Variants in GTPBP10 observed in about 807,000 individuals in gnomAD.
GTPBP10 encodes GTP binding protein 10.
GTPBP10 carries 38 observed loss-of-function variants against 44.8 expected under a neutral mutation model. The observed-to-expected ratio is 0.85, with a 90% CI of 0.65 to 1.11. The LOEUF (loss-of-function observed/expected upper bound fraction) is 1.11. GTPBP10 is among the 50% of genes most tolerant of loss of function. GTPBP10 has a pLI of 0.00. For synonymous variants in GTPBP10, 152 were observed against 150.6 expected (o/e 1.01, Z -0.07); for missense variants, 462 against 453.7 (o/e 1.02, Z -0.17).
chr7:90,351,178 T>C (rs1054904787), intron 1 of GTPBP10, among the ~76,000 whole-genome samples: 4 of 152,250 alleles, frequency 2.6e-5, no homozygotes, highest in African/African-American at 9.6e-5. Context: ...TATGCAGTTA[T>C]GATTTAATAC....
chr7:90,364,935 G>A (rs759053561), intron 4 of GTPBP10, among the ~76,000 whole-genome samples: 10 of 152,282 alleles, frequency 6.6e-5, no homozygotes, highest in African/African-American at 1.9e-4. Context: ...AGCCAGGTGC[G>A]GAATATAATC....
At chr7:90,370,657 T>TAAC (rs1796240605) in intron 4 of GTPBP10, among the ~76,000 whole-genome samples, 2 of 152,114 alleles carry the variant, frequency 1.3e-5, no homozygotes, top group African/African-American at 4.8e-5. Context: ...TGTATCCATG[T>TAAC]AACAACAACA....
intron 4 of GTPBP10, 39 bp from the exon 5 acceptor site, chr7:90,372,116 A>G (rs774042572): frequency 1.6e-6 from 2 of 1,223,152 alleles, no homozygotes; most frequent in South Asian, 1.3e-5. Flanking sequence ...AGAGATAATA[A>G]TATTGACATT....
intron 4 of GTPBP10, among the ~76,000 whole-genome samples, chr7:90,360,215 A>AT (rs1425201845): frequency 6.6e-6 from 1 of 152,156 alleles, no homozygotes; most frequent in Admixed American, 6.5e-5. Flanking sequence ...GTCCTTGCCC[A>AT]TGCCTATGTC....
In GTPBP10 at chr7:90,386,885, C is replaced by G. The variant is rs181163140; in HGVS notation, c.*1731C>G. On this transcript the variant is annotated 3_prime_UTR_variant, in exon 10 of 10. Transcript: ENST00000222511. ...GCATATAAGTAACTAATAAAAGCTC[C>G]CTTTCTGCATTAGGCCCCTCAGTTC... 6.6e-6 allele frequency: 1 copy of G among 152,124 alleles called. No homozygotes were observed. Among genetic ancestry groups the G allele is most frequent in the South Asian group, 2.1e-4 (1 of 4,810 alleles). The allele number at this position is 152,124 out of a possible 1,614,324, so 9.4% of individuals were successfully genotyped here. A position where few individuals can be genotyped will look rare whatever the true frequency, so the allele number is the denominator to read the frequency against.
At chr7:90,373,596 A>T (rs905562121) in intron 5 of GTPBP10, among the ~76,000 whole-genome samples, 10 of 152,224 alleles carry the variant, frequency 6.6e-5, no homozygotes, top group African/African-American at 2.2e-4. Context: ...GCAAAAAGTC[A>T]TAGGAAAGAG....
intron 4 of GTPBP10, among the ~76,000 whole-genome samples, chr7:90,360,949 G>A (rs986752790): frequency 3.3e-5 from 5 of 152,104 alleles, no homozygotes; most frequent in Non-Finnish European, 7.4e-5. Flanking sequence ...TCTGTTATTG[G>A]TGTATAAGAA....
intron 6 of GTPBP10, among the ~76,000 whole-genome samples, chr7:90,376,085 A>G (rs17863078): frequency 1.3e-5 from 2 of 150,960 alleles, no homozygotes; most frequent in African/African-American, 4.9e-5. Flanking sequence ...AAAAAAAAAA[A>G]TTAGATGGGT....
chr7:90,388,055 A>G lies in GTPBP10; in HGVS notation c.*2901A>G, dbSNP rs1055494371. 1 of 152,198 alleles carries G rather than the reference A, an allele frequency of 6.6e-6. No individual in the cohort carries two copies. 9.4% of individuals were successfully genotyped at this position (152,198 alleles called of 1,614,324 possible). ...TCAGTAGTGCCCAGGGTGCCACTCC[A>G]TGACTAACCGAAACATTTTATTATG... is the stretch of plus-strand genomic sequence containing the variant. On this transcript the variant is annotated 3_prime_UTR_variant, in exon 10 of 10. Coordinates refer to ENST00000222511, the MANE Select transcript of GTPBP10 (RefSeq NM_033107.4).
intron 4 of GTPBP10, among the ~76,000 whole-genome samples, chr7:90,368,212 T>C (rs910034304): frequency 5.9e-5 from 9 of 152,180 alleles, no homozygotes; most frequent in Admixed American, 2.6e-4. Flanking sequence ...CTGCCCTTAA[T>C]ATTTTTTTCT....
In GTPBP10 at chr7:90,367,355, C is replaced by T. The variant is rs150151131; in HGVS notation, c.465-4800C>T. Among the ~76,000 whole-genome samples, 399 of 152,172 alleles carry T rather than the reference C, an allele frequency of 2.6e-3. 2 individuals carry two copies. The highest frequency in any genetic ancestry group is 8.6e-3 in the African/African-American group (359 of 41,510). On this transcript the variant is annotated intron_variant, in intron 4 of 9. Coordinates refer to ENST00000222511, the MANE Select transcript of GTPBP10 (RefSeq NM_033107.4). Reference sequence around the variant, plus strand: ...TGATATCCTTGTTAACCTTCTGTCTCGTTGATCTAATATTGACAGTGGGGT... The same window carrying T: ...TGATATCCTTGTTAACCTTCTGTCTTGTTGATCTAATATTGACAGTGGGGT...
Position 90,346,782 on chromosome 7 carries a change from C to T in GTPBP10, c.33+8C>T, listed in dbSNP as rs1584622750. ...TGCGTGTTGTTCAGAAAGGTCCGTG[C>T]GGGTCCCCTCAGCCTGGTCCCCTTA... is the stretch of plus-strand genomic sequence containing the variant. On this transcript the variant is annotated splice_region_variant and intron_variant, in intron 1 of 9. Transcript: ENST00000222511. 1 of 1,613,988 alleles carries T rather than the reference C, an allele frequency of 6.2e-7. No individual in the cohort carries two copies. The highest frequency in any genetic ancestry group is 1.3e-5 in the African/African-American group (1 of 75,026).
intron 9 of GTPBP10, 87 bp downstream of exon 9, chr7:90,383,166 T>G: frequency 3.0e-6 from 3 of 987,628 alleles, no homozygotes; most frequent in Non-Finnish European, 4.1e-6. Flanking sequence ...AAACTGACAG[T>G]TTCTGCTCTT....
chr7:90,353,330 G>C (rs1262477374), intron 2 of GTPBP10: 2 of 192,524 alleles, frequency 1.0e-5, no homozygotes, highest in Admixed American at 5.5e-5. Flanking sequence ...AAAACTTTCA[G>C]TCTTAACCAT....
At chr7:90,382,559 G>T (rs1796450824) in intron 8 of GTPBP10, among the ~76,000 whole-genome samples, 1 of 152,104 alleles carries the variant, frequency 6.6e-6, no homozygotes, top group South Asian at 2.1e-4. Context: ...TATTTTACTT[G>T]TGCTTTTCAT....
intron 4 of GTPBP10, among the ~76,000 whole-genome samples, chr7:90,368,898 T>C (rs1414337070): frequency 6.6e-6 from 1 of 152,234 alleles, no homozygotes; most frequent in Non-Finnish European, 1.5e-5. Flanking sequence ...TTTTCAGCTT[T>C]TCTGCTCTGG....
At chr7:90,348,608 C>T (rs988992936) in intron 1 of GTPBP10, among the ~76,000 whole-genome samples, 3 of 147,798 alleles carry the variant, frequency 2.0e-5, no homozygotes, top group Admixed American at 6.9e-5. Context: ...TGGTCTTGCT[C>T]TCTTGGGTGG....
In GTPBP10 at chr7:90,354,473, A is replaced by G; in HGVS notation, c.243A>G (p.Lys81=). 1 of 1,575,866 alleles carries G rather than the reference A, an allele frequency of 6.3e-7. No homozygotes were observed. Among genetic ancestry groups the G allele is most frequent in the Admixed American group, 1.9e-5 (1 of 53,290 alleles). The change falls in exon 3 of 10, where the codon AAA becomes AAG. Residue 81 remains lysine (K), a synonymous_variant. Coordinates refer to ENST00000222511, the MANE Select transcript of GTPBP10 (RefSeq NM_033107.4). The part of the protein sequence containing the change: ...VGANSKISAL[K]GSKGKDCEIP... Reference sequence around the variant, plus strand: ...TTTTTGGTAGAATTAGTGCACTGAAAGGCTCCAAAGGAAAAGACTGTGAAA... The same window carrying G: ...TTTTTGGTAGAATTAGTGCACTGAAGGGCTCCAAAGGAAAAGACTGTGAAA...
intron 1 of GTPBP10, among the ~76,000 whole-genome samples, chr7:90,351,261 A>C (rs1196058118): frequency 1.3e-5 from 2 of 148,204 alleles, no homozygotes; most frequent in African/African-American, 5.3e-5. Context: ...TGTGTGTGTA[A>C]GTTTTGATAA....
Sources: allele counts gnomAD v4.1 joint callset (sites outside exome capture counted in the v4.1 genomes callset), GRCh38; gene constraint gnomAD v4.1.1; transcripts MANE v1.5; gene names NCBI Gene and HGNC (gene_info 2026-07-23, HGNC 2026-07-21).